The following GLI3 variants were observed in gnomAD, a reference collection of about 807,000 sequenced individuals.
GLI3 encodes transcription activator GLI3.
Under a neutral mutation model 100.8 loss-of-function variants are expected in GLI3, and 20 were observed. That is an observed-to-expected ratio of 0.20 (90% CI 0.14 to 0.29). The LOEUF is 0.29. Ranked by LOEUF, GLI3 falls within the 10% of genes least tolerant of loss-of-function variation. GLI3 has a pLI of 1.00. For missense variants in GLI3, 2,040 were observed against 2,128.5 expected (o/e 0.96, Z 0.82); for synonymous variants, 938 against 860.5 (o/e 1.09, Z -1.58).
intron 3 of GLI3, among the ~76,000 whole-genome samples, chr7:42,082,045 T>C (rs1785006800): frequency 6.6e-6 from 1 of 152,012 alleles, no homozygotes; most frequent in Admixed American, 6.6e-5. Flanking sequence ...CTCAAACTCA[T>C]TCAATCATCT....
At chr7:42,189,967 G>T (rs1038811829) in intron 2 of GLI3, among the ~76,000 whole-genome samples, 1 of 139,694 alleles carries the variant, frequency 7.2e-6, no homozygotes, top group African/African-American at 2.8e-5. Context: ...GTGTGCATGG[G>T]CTCAACACAC....
chr7:42,042,539 G>C (rs947264496), intron 6 of GLI3, among the ~76,000 whole-genome samples: 1 of 152,148 alleles, frequency 6.6e-6, no homozygotes, highest in Non-Finnish European at 1.5e-5. Context: ...AGTGATCACT[G>C]GCAAAGTTAG....
At chr7:42,191,266 T>G (rs1787820317) in intron 2 of GLI3, among the ~76,000 whole-genome samples, 2 of 152,110 alleles carry the variant, frequency 1.3e-5, no homozygotes, top group South Asian at 4.1e-4. Context: ...AAAATAAACA[T>G]GCAGAAATCC....
In GLI3 at chr7:41,966,484, G is replaced by A; in HGVS notation, c.2589C>T (p.Arg863=). 1 of 1,612,862 alleles carries A rather than the reference G, an allele frequency of 6.2e-7. No homozygotes were observed. Among genetic ancestry groups the A allele is most frequent in the Non-Finnish European group, 8.5e-7 (1 of 1,179,776 alleles). Residue 863 remains arginine, a synonymous_variant, in exon 15 of 15, where the codon CGC becomes CGT. Coordinates refer to ENST00000395925, the MANE Select transcript of GLI3 (RefSeq NM_000168.6). This position sits in a 1 kb window ranked among gnomAD's most constrained non-coding sequence, Gnocchi z 5.8. ...TISSAYLSSR[R]SSGISPCFSS... ...AGAAGCAGGGCGAGATCCCTGAGGAGCGGCGGCTGCTCAGGTAGGCCGAGC... is the reference window on the plus strand; with the variant it reads ...AGAAGCAGGGCGAGATCCCTGAGGAACGGCGGCTGCTCAGGTAGGCCGAGC...
At chr7:41,976,370 T>C (rs900361128) in intron 12 of GLI3, among the ~76,000 whole-genome samples, 1 of 152,174 alleles carries the variant, frequency 6.6e-6, no homozygotes, top group African/African-American at 2.4e-5. Flanking sequence ...CATGTGTGAG[T>C]TTATGAGTGA....
chr7:42,160,286 T>G (rs1387075754), intron 2 of GLI3, among the ~76,000 whole-genome samples: 1 of 152,244 alleles, frequency 6.6e-6, no homozygotes, highest in East Asian at 1.9e-4. Flanking sequence ...AGGCCTTGGA[T>G]GTCCAGGTTG....
At chr7:42,039,558 C>T (rs951072420) in intron 7 of GLI3, among the ~76,000 whole-genome samples, 4 of 152,192 alleles carry the variant, frequency 2.6e-5, no homozygotes, top group African/African-American at 9.6e-5. Context: ...ACTTATTTTC[C>T]ATCAGACGAA....
At chr7:42,141,492 C>T (rs191267995) in intron 3 of GLI3, among the ~76,000 whole-genome samples, 726 of 152,050 alleles carry the variant, frequency 4.8e-3, no homozygotes, top group Admixed American at 8.8e-3. Context: ...GCCAACATGG[C>T]GAAACCCCGT....
chr7:42,252,292 G>A (rs1233479329), intron 1 of GLI3, among the ~76,000 whole-genome samples: 1 of 152,150 alleles, frequency 6.6e-6, no homozygotes, highest in Admixed American at 6.6e-5. Context: ...GCTAAACAGT[G>A]AGAACCAATG....
chr7:42,042,461 T>C (rs911853154), intron 6 of GLI3, among the ~76,000 whole-genome samples: 1 of 152,220 alleles, frequency 6.6e-6, no homozygotes, highest in Non-Finnish European at 1.5e-5. Flanking sequence ...CACTTCCAAG[T>C]GACAAACCAG....
At chr7:42,180,317 A>G (rs1024464786) in intron 2 of GLI3, among the ~76,000 whole-genome samples, 2 of 152,198 alleles carry the variant, frequency 1.3e-5, no homozygotes, top group Non-Finnish European at 2.9e-5. Flanking sequence ...CTTTTGTGGA[A>G]CAAGTGACTG....
chr7:42,062,708 C>CTCAG (rs1784595331), intron 4 of GLI3, among the ~76,000 whole-genome samples: 1 of 112,826 alleles, frequency 8.9e-6, no homozygotes, highest in African/African-American at 4.1e-5. Flanking sequence ...TATACACACA[C>CTCAG]ACAGACACAC....
chr7:41,979,245 G>A (rs1057462663), intron 10 of GLI3, among the ~76,000 whole-genome samples: 6 of 152,168 alleles, frequency 3.9e-5, no homozygotes, highest in African/African-American at 1.4e-4. Flanking sequence ...CACAATTCCA[G>A]AACAAAAAAA....
rs960718476 is a variant in GLI3 at position 42,076,780 on chromosome 7, C to T, written c.445G>A (p.Asp149Asn). 6 of 1,608,198 alleles carry T rather than the reference C, an allele frequency of 3.7e-6. No homozygotes were observed. Among genetic ancestry groups the T allele is most frequent in the East Asian group, 4.5e-5 (2 of 44,852 alleles). ...TGCAATGGAGGAATCGGAGATGGAT[C>T]GTAATGGTAACGGCCCTCATGATGT... ...ARHHEGRYHY[D>N]PSPIPPLHMT... The change falls in exon 4 of 15, where the codon GAT (aspartate) becomes AAT (asparagine). Residue 149 changes from aspartate to asparagine, a missense_variant. By Grantham distance (23) the Asp-to-Asn change is conservative (BLOSUM62 1). Coordinates refer to ENST00000395925, the MANE Select transcript of GLI3 (RefSeq NM_000168.6).
At chr7:42,155,483 G>A (rs767222468) in intron 2 of GLI3, among the ~76,000 whole-genome samples, 1 of 151,354 alleles carries the variant, frequency 6.6e-6, no homozygotes, top group Non-Finnish European at 1.5e-5. Flanking sequence ...CTCCATCAGA[G>A]CCATAGAGTA....
rs760690136 is a variant in GLI3 at position 41,967,799 on chromosome 7, G to A, written c.2228C>T (p.Ala743Val). 6.2e-7 allele frequency: 1 copy of A among 1,614,162 alleles called. No individual in the cohort carries two copies. Among genetic ancestry groups the A allele is most frequent in the Non-Finnish European group, 8.5e-7 (1 of 1,180,012 alleles). The change falls in exon 14 of 15, where the codon GCC (alanine) becomes GTC (valine). Residue 743 changes from alanine to valine, a missense_variant. Coordinates refer to ENST00000395925, the MANE Select transcript of GLI3 (RefSeq NM_000168.6). ...GTCCATGATTGGGGTTTCATCGATG[G>A]CACTGAGGTCTCCTATACTACCTCC... ...TDGGSIGDLS[A>V]IDETPIMDST...
In GLI3 at chr7:42,097,848, G is replaced by A. The variant is rs1481067347; in HGVS notation, c.368-20991C>T. On this transcript the variant is annotated intron_variant, in intron 3 of 14. Transcript: ENST00000395925. ...TCTACGACACCCCTAGTGGACAGAT[G>A]TCAGGGTATATGTTCTATACCAGAC... 2.0e-5 allele frequency among the ~76,000 whole-genome samples: 3 copies of A among 152,192 alleles called. No homozygotes were observed. In the South Asian group the frequency reaches 6.2e-4, roughly 32 times the overall value.
At chr7:42,063,915 C>T (rs1206106042) in intron 4 of GLI3, among the ~76,000 whole-genome samples, 1 of 152,186 alleles carries the variant, frequency 6.6e-6, no homozygotes, top group Non-Finnish European at 1.5e-5. Context: ...AAACCAGATA[C>T]ACATGTGCAT....
At chr7:41,988,847 G>A (rs1395365497) in intron 10 of GLI3, among the ~76,000 whole-genome samples, 8 of 152,140 alleles carry the variant, frequency 5.3e-5, no homozygotes, top group African/African-American at 1.4e-4. Context: ...TTACTAAAAC[G>A]AAAATGTAAC....
Sources: gnomAD v4.1 joint callset for allele counts (sites outside exome capture counted in the v4.1 genomes callset) on GRCh38, gnomAD v4.1.1 for gene constraint, Gnocchi (gnomAD v3.1) non-coding constraint, MANE v1.5 for transcripts, NCBI Gene and HGNC (gene_info 2026-07-23, HGNC 2026-07-21) for gene names.